OR8H1: variants seen among roughly 807,000 people sequenced by gnomAD.
OR8H1 encodes olfactory receptor family 8 subfamily H member 1.
For missense variants in OR8H1, 388 were observed against 374.1 expected (o/e 1.04, Z -0.31); for synonymous variants, 135 against 134.5 (o/e 1.00, Z -0.03).
rs1379489173 is a variant in OR8H1 at position 56,289,864 on chromosome 11, C to A, written c.*263G>T. On this transcript the variant is annotated 3_prime_UTR_variant, in exon 2 of 2. Transcript: ENST00000641600. ...TGAACTTCTGACCTCATGTGATCCA[C>A]CCACCTCGGCCTCCCAGAGTGCTGG... 1.5e-5 allele frequency: 7 copies of A among 472,388 alleles called. No individual in the cohort carries two copies. Among genetic ancestry groups the A allele is most frequent in the Non-Finnish European group, 2.3e-5 (6 of 260,850 alleles). 29.3% of individuals were successfully genotyped at this position (472,388 alleles called of 1,614,324 possible). A position where few individuals can be genotyped will look rare whatever the true frequency, so the allele number is the denominator to read the frequency against.
At position 56,290,407 on chromosome 11, in the gene OR8H1, G is replaced by C; in HGVS notation, c.656C>G (p.Ser219Cys). 1 of 1,614,204 alleles carries C rather than the reference G, an allele frequency of 6.2e-7. No homozygotes were observed. The highest frequency in any genetic ancestry group is 8.5e-7 in the Non-Finnish European group (1 of 1,180,028). The change falls in exon 2 of 2, where the codon TCC (serine) becomes TGC (cysteine). Residue 219 changes from serine to cysteine, a missense_variant. Ser to Cys is a moderately radical substitution (Grantham distance 112, BLOSUM62 -1). Coordinates refer to ENST00000641600, the MANE Select transcript of OR8H1 (RefSeq NM_001005199.2). ...AATTTTCAGGATGGTAGAGAGAATG[G>C]ACACATAGGATGCAGATATTGTGAT... is the stretch of plus-strand genomic sequence containing the variant. ...SLITISASYV[S>C]ILSTILKINS...
Position 56,290,998 on chromosome 11 carries a change from T to A in OR8H1, c.65A>T (p.Glu22Val), listed in dbSNP as rs17540861. 117,629 of 1,613,654 alleles carry A rather than the reference T, an allele frequency of 0.073. 4,851 individuals carry two copies. The highest frequency in any genetic ancestry group is 0.081 in the Non-Finnish European group (96,025 of 1,179,770). ...TAGTATAAAGAGGGCCATCTGGACC[T>A]CTTCAGAATCTGACAGTCCCGTAAG... ...FILTGLSDSE[E>V]VQMALFILFL... The change falls in exon 2 of 2, where the codon GAG becomes GTG. Residue 22 changes from glutamate to valine, a missense_variant. By Grantham distance (121) the Glu-to-Val change is moderately radical. Transcript: ENST00000641600.
At position 56,290,153 on chromosome 11, in the gene OR8H1, T is replaced by C. The variant is rs772210007; in HGVS notation, c.910A>G (p.Met304Val). The C allele has an allele frequency of 3.7e-6, 6 of 1,607,080 alleles. No individual in the cohort carries two copies. Among genetic ancestry groups the C allele is most frequent in the Non-Finnish European group, 8.5e-7 (1 of 1,176,820 alleles). ...TACCTGGAGTCCTGTCTTCTCTGCA[T>C]GACTCTAATGAGAGCATTTTTAACT... ...KEVKNALIRV[M>V]QRRQDSR Residue 304 changes from methionine (M) to valine (V), a missense_variant, in exon 2 of 2, where the codon ATG becomes GTG. Met to Val is a conservative substitution (Grantham distance 21). Coordinates refer to ENST00000641600, the MANE Select transcript of OR8H1 (RefSeq NM_001005199.2).
At position 56,290,844 on chromosome 11, in the gene OR8H1, G is replaced by A; in HGVS notation, c.219C>T (p.Tyr73=). 6.2e-7 allele frequency: 1 copy of A among 1,614,130 alleles called. No homozygotes were observed. The highest frequency in any genetic ancestry group is 2.2e-5 in the East Asian group (1 of 44,880). Residue 73 remains tyrosine, a synonymous_variant, in exon 2 of 2, where the codon TAC becomes TAT. Coordinates refer to ENST00000641600, the MANE Select transcript of OR8H1 (RefSeq NM_001005199.2). The part of the protein sequence containing the change: ...LTHLSFIDLS[Y]STVITPKTLA... ...AGGTTTTAGGTGTGATGACAGTTGA[G>A]TAACTGAGGTCAATAAATGACAAGT...
Position 56,289,423 on chromosome 11 carries a change from C to T in OR8H1, c.*704G>A, listed in dbSNP as rs1202372526. 1 of 152,174 alleles carries T rather than the reference C, an allele frequency of 6.6e-6. No homozygotes were observed. The highest frequency in any genetic ancestry group is 1.5e-5 in the Non-Finnish European group (1 of 68,064). 9.4% of individuals were successfully genotyped at this position (152,174 alleles called of 1,614,324 possible). On this transcript the variant is annotated 3_prime_UTR_variant, in exon 2 of 2. Coordinates refer to ENST00000641600, the MANE Select transcript of OR8H1 (RefSeq NM_001005199.2). ...CCCCATATAATAAATGAAATAACTTCTGAGACTGTTATCACTGTGCCCCAA... is the reference window on the plus strand; with the variant it reads ...CCCCATATAATAAATGAAATAACTTTTGAGACTGTTATCACTGTGCCCCAA...
At chr11:56,291,300 A>T (rs1854149644) in intron 1 of OR8H1, among the ~76,000 whole-genome samples, 1 of 152,232 alleles carries the variant, frequency 6.6e-6, no homozygotes, top group Non-Finnish European at 1.5e-5. Flanking sequence ...AATTAGAATG[A>T]ACCTGACCTT....
At position 56,290,430 on chromosome 11, in the gene OR8H1, G is replaced by A. The variant is rs747106722; in HGVS notation, c.633C>T (p.Ile211=). 3 of 1,614,192 alleles carry A rather than the reference G, an allele frequency of 1.9e-6. No homozygotes were observed. The South Asian group carries it at 3.3e-5, about 18-fold the overall frequency. ...LAGSTLMVSL[I]TISASYVSIL... ...TGGACACATAGGATGCAGATATTGT[G>A]ATAAGGGACACCATCAGGGTGGAAC... Residue 211 remains isoleucine, a synonymous_variant, in exon 2 of 2, where the codon ATC becomes ATT. Transcript: ENST00000641600.
rs1473109040 is a variant in OR8H1, at chr11:56,290,281, G to T, written c.782C>A (p.Pro261Gln). The T allele has an allele frequency of 6.2e-7, 1 of 1,612,970 alleles. No individual in the cohort carries two copies. The highest frequency in any genetic ancestry group is 8.5e-7 in the Non-Finnish European group (1 of 1,179,702). The change falls in exon 2 of 2, where the codon CCA becomes CAA. Residue 261 changes from proline to glutamine, a missense_variant. Pro to Gln is a moderately conservative substitution (Grantham distance 76, BLOSUM62 -1). Transcript: ENST00000641600. ...YGTMIFTYLK[P>Q]RKSYSLGRDQ... ...CCTTCCCAAAGAATAAGACTTTCTT[G>T]GTTTTAAATAAGTAAAAATCATAGT...
rs940344968 is a variant in OR8H1, at chr11:56,289,410, A to C, written c.*717T>G. On this transcript the variant is annotated 3_prime_UTR_variant, in exon 2 of 2. Transcript: ENST00000641600. ...TGTTATAATTCTTCCCCATATAATA[A>C]ATGAAATAACTTCTGAGACTGTTAT... is the stretch of plus-strand genomic sequence containing the variant. 1.3e-5 allele frequency: 2 copies of C among 152,204 alleles called. No homozygotes were observed. Among genetic ancestry groups the C allele is most frequent in the African/African-American group, 4.8e-5 (2 of 41,450 alleles). The allele number at this position is 152,204 out of a possible 1,614,324, so 9.4% of individuals were successfully genotyped here. A position where few individuals can be genotyped will look rare whatever the true frequency, so the allele number is the denominator to read the frequency against.
chr11:56,288,784 A>C lies in OR8H1; in HGVS notation c.*1343T>G, dbSNP rs890622157. The C allele has an allele frequency of 6.6e-6, 1 of 152,152 alleles. No homozygotes were observed. Among genetic ancestry groups the C allele is most frequent in the Admixed American group, 6.5e-5 (1 of 15,274 alleles). The allele number at this position is 152,152 out of a possible 1,614,324, so 9.4% of individuals were successfully genotyped here. A position where few individuals can be genotyped will look rare whatever the true frequency, so the allele number is the denominator to read the frequency against. Reference sequence around the variant, plus strand: ...GTTTACATATGTTATACACATGCACATATTCAAAACTATTGATCTCGAAGA... The same window carrying C: ...GTTTACATATGTTATACACATGCACCTATTCAAAACTATTGATCTCGAAGA... On this transcript the variant is annotated 3_prime_UTR_variant, in exon 2 of 2. Coordinates refer to ENST00000641600, the MANE Select transcript of OR8H1 (RefSeq NM_001005199.2).
At position 56,289,861 on chromosome 11, in the gene OR8H1, C is replaced by A. The variant is rs931282837; in HGVS notation, c.*266G>T. On this transcript the variant is annotated 3_prime_UTR_variant, in exon 2 of 2. Transcript: ENST00000641600. ...TCTTGAACTTCTGACCTCATGTGAT[C>A]CACCCACCTCGGCCTCCCAGAGTGC... 3 of 465,928 alleles carry A rather than the reference C, an allele frequency of 6.4e-6. No homozygotes were observed. The highest frequency in any genetic ancestry group is 1.2e-5 in the Non-Finnish European group (3 of 256,778). 28.9% of individuals were successfully genotyped at this position (465,928 alleles called of 1,614,324 possible).
chr11:56,290,781 C>A lies in OR8H1; in HGVS notation c.282G>T (p.Met94Ile), dbSNP rs773973921. 1 of 1,614,082 alleles carries A rather than the reference C, an allele frequency of 6.2e-7. No individual in the cohort carries two copies. The highest frequency in any genetic ancestry group is 8.5e-7 in the Non-Finnish European group (1 of 1,180,012). ...NLLTSNYISF[M>I]GCFAQMFFFV... ...AAAAGAACATCTGGGCAAAGCAGCC[C>A]ATGAAGGAAATATAGTTGGAAGTCA... Residue 94 changes from methionine (M) to isoleucine (I), a missense_variant, in exon 2 of 2, where the codon ATG becomes ATT. Physicochemically the swap from Met to Ile is conservative, Grantham distance 10. Transcript: ENST00000641600.
Position 56,290,596 on chromosome 11 carries a change from A to G in OR8H1, c.467T>C (p.Phe156Ser). ...GPYVISFINS[F>S]VNVVWMSRLH... ...TCTGCTCATCCAAACCACATTGACA[A>G]AGGAGTTGATAAAGCTAATCACATA... Residue 156 changes from phenylalanine to serine, a missense_variant, in exon 2 of 2, where the codon TTT becomes TCT. By Grantham distance (155) the Phe-to-Ser change is radical. Coordinates refer to ENST00000641600, the MANE Select transcript of OR8H1 (RefSeq NM_001005199.2). The G allele has an allele frequency of 6.2e-7, 1 of 1,614,178 alleles. No homozygotes were observed. The highest frequency in any genetic ancestry group is 8.5e-7 in the Non-Finnish European group (1 of 1,180,028).
intron 1 of OR8H1, 66 bp from the exon 2 acceptor site, chr11:56,291,150 A>G (rs1321521758): frequency 5.5e-6 from 5 of 911,712 alleles, no homozygotes; most frequent in Non-Finnish European, 8.3e-6. Flanking sequence ...ACAATAACCT[A>G]GCATTTAATT....
At position 56,288,924 on chromosome 11, in the gene OR8H1, G is replaced by T. The variant is rs986506421; in HGVS notation, c.*1203C>A. ...CAAAACAGCCAAAACTCAATATTTTGAGGGTTTCTATTTTCCTTAATATTT... is the reference window on the plus strand; with the variant it reads ...CAAAACAGCCAAAACTCAATATTTTTAGGGTTTCTATTTTCCTTAATATTT... On this transcript the variant is annotated 3_prime_UTR_variant, in exon 2 of 2. Transcript: ENST00000641600. 1.4e-4 allele frequency: 21 copies of T among 152,032 alleles called. No homozygotes were observed. Among genetic ancestry groups the T allele is most frequent in the African/African-American group, 5.1e-4 (21 of 41,532 alleles). 9.4% of individuals were successfully genotyped at this position (152,032 alleles called of 1,614,324 possible). A position where few individuals can be genotyped will look rare whatever the true frequency, so the allele number is the denominator to read the frequency against.
At position 56,288,939 on chromosome 11, in the gene OR8H1, C is replaced by T. The variant is rs1365778428; in HGVS notation, c.*1188G>A. 1 of 151,910 alleles carries T rather than the reference C, an allele frequency of 6.6e-6. No individual in the cohort carries two copies. The highest frequency in any genetic ancestry group is 1.5e-5 in the Non-Finnish European group (1 of 67,930). The allele number at this position is 151,910 out of a possible 1,614,324, so 9.4% of individuals were successfully genotyped here. On this transcript the variant is annotated 3_prime_UTR_variant, in exon 2 of 2. Transcript: ENST00000641600. ...TCAATATTTTGAGGGTTTCTATTTTCCTTAATATTTTATAATATTTTTCAA... is the reference window on the plus strand; with the variant it reads ...TCAATATTTTGAGGGTTTCTATTTTTCTTAATATTTTATAATATTTTTCAA...
chr11:56,290,191 A>G lies in OR8H1; in HGVS notation c.872T>C (p.Leu291Pro), dbSNP rs2134835051. The change falls in exon 2 of 2, where the codon CTT (leucine) becomes CCT (proline). Residue 291 changes from leucine to proline, a missense_variant. Physicochemically the swap from Leu to Pro is moderately conservative, Grantham distance 98 (BLOSUM62 -3). Transcript: ENST00000641600. The stretch of plus-strand genomic sequence containing the variant: ...AGCATTTTTAACTTCTTTGTTTCTA[A>G]GACTATAAATGAGTGGATTCAGCAT... ...IPMLNPLIYS[L>P]RNKEVKNALI... is the part of the protein sequence containing the mutation. 6.2e-7 allele frequency: 1 copy of G among 1,610,706 alleles called. No individual in the cohort carries two copies. Among genetic ancestry groups the G allele is most frequent in the Middle Eastern group, 1.7e-4 (1 of 6,024 alleles).
rs1436382855 is a variant in OR8H1, at chr11:56,290,163, G to A, written c.900C>T (p.Leu300=). Residue 300 remains leucine, a synonymous_variant, in exon 2 of 2, where the codon CTC becomes CTT. Coordinates refer to ENST00000641600, the MANE Select transcript of OR8H1 (RefSeq NM_001005199.2). ...SLRNKEVKNA[L]IRVMQRRQDS... Reference sequence around the variant, plus strand: ...CCTGTCTTCTCTGCATGACTCTAATGAGAGCATTTTTAACTTCTTTGTTTC... The same window carrying A: ...CCTGTCTTCTCTGCATGACTCTAATAAGAGCATTTTTAACTTCTTTGTTTC... 1.2e-6 allele frequency: 2 copies of A among 1,609,126 alleles called. No individual in the cohort carries two copies. The highest frequency in any genetic ancestry group is 2.2e-5 in the East Asian group (1 of 44,828).
chr11:56,291,236 TA>T lies in OR8H1; in HGVS notation c.-22-153del, dbSNP rs1340532236. 13 of 564,464 alleles carry T rather than the reference TA, an allele frequency of 2.3e-5. 1 individual carries two copies. In the South Asian group the frequency reaches 2.4e-4, roughly 10 times the overall value. 35.0% of individuals were successfully genotyped at this position (564,464 alleles called of 1,614,324 possible). Reference sequence around the variant, plus strand: ...AACGGAATTATATTGCCAATGTAGATAAAAGTGTAAATTAACATTTAGATGT... The same window carrying T: ...AACGGAATTATATTGCCAATGTAGATAAAGTGTAAATTAACATTTAGATGT... On this transcript the variant is annotated intron_variant, in intron 1 of 1. Coordinates refer to ENST00000641600, the MANE Select transcript of OR8H1 (RefSeq NM_001005199.2).
Sources: allele counts gnomAD v4.1 joint callset (sites outside exome capture counted in the v4.1 genomes callset), GRCh38; gene constraint gnomAD v4.1.1; transcripts MANE v1.5; gene names NCBI Gene and HGNC (gene_info 2026-07-23, HGNC 2026-07-21).